Variants in VWA3B observed in about 807,000 individuals in gnomAD.
VWA3B encodes the protein von Willebrand factor A domain-containing protein 3B.
A neutral mutation model predicts 158.3 loss-of-function variants in VWA3B; 138 were observed. The observed-to-expected ratio is 0.87, with a 90% CI of 0.76 to 1.00. VWA3B has a LOEUF of 1.00. Ranked by LOEUF, VWA3B falls within the 50% of genes least tolerant of loss-of-function variation. VWA3B has a pLI of 0.00. For synonymous variants in VWA3B, 596 were observed against 587.3 expected (o/e 1.01, Z -0.21); for missense variants, 1,555 against 1,565.1 (o/e 0.99, Z 0.11).
chr2:98,179,970 A>ATCTC (rs140859768), intron 8 of VWA3B, among the ~76,000 whole-genome samples: 2,909 of 70,816 alleles, frequency 0.041, 108 homozygotes, highest in African/African-American at 0.14. Flanking sequence ...TCTTTCCTTC[A>ATCTC]TCTATCTCCT....
the VWA3B span, among the ~76,000 whole-genome samples, chr2:98,326,689 C>G: frequency 3.3e-5 from 5 of 151,924 alleles, no homozygotes; most frequent in East Asian, 9.6e-4. Flanking sequence ...CCCAGAAGGT[C>G]GAGGCTGCAG....
At chr2:98,156,437 T>G (rs1268351263) in intron 7 of VWA3B, among the ~76,000 whole-genome samples, 2 of 152,122 alleles carry the variant, frequency 1.3e-5, no homozygotes, top group African/African-American at 4.8e-5. Context: ...CACACAACCA[T>G]CCTCACAGAG....
At chr2:98,227,697 T>A (rs1037328195) in intron 14 of VWA3B, among the ~76,000 whole-genome samples, 5 of 152,136 alleles carry the variant, frequency 3.3e-5, no homozygotes, top group African/African-American at 1.2e-4. Context: ...CTGAAACTAA[T>A]GTGTAGTGAC....
intron 12 of VWA3B, chr2:98,207,204 G>T: frequency 1.8e-6 from 1 of 548,810 alleles, no homozygotes; most frequent in Non-Finnish European, 3.7e-6. Context: ...ACCAAGAGGA[G>T]ATCTATCACC....
At chr2:98,145,144 G>A (rs996198438) in intron 7 of VWA3B, among the ~76,000 whole-genome samples, 12 of 152,198 alleles carry the variant, frequency 7.9e-5, no homozygotes, top group African/African-American at 2.2e-4. Flanking sequence ...TGCTGTGGTC[G>A]ATTTTCCCTG....
chr2:98,156,318 A>G (rs796104957), intron 7 of VWA3B, among the ~76,000 whole-genome samples: 37 of 152,336 alleles, frequency 2.4e-4, no homozygotes, highest in African/African-American at 7.9e-4. Context: ...TGTCTTCTGA[A>G]TTTGAAGAAG....
At chr2:98,097,559 C>T (rs1041187669) in intron 2 of VWA3B, among the ~76,000 whole-genome samples, 3 of 152,160 alleles carry the variant, frequency 2.0e-5, no homozygotes, top group African/African-American at 7.2e-5. Context: ...GAGAAACATA[C>T]ATGTGCAGGT....
At position 98,087,201 on chromosome 2, in the gene VWA3B, A is replaced by G. The variant is rs1681922697; in HGVS notation, c.-195A>G. The G allele has an allele frequency of 6.6e-6, 1 of 152,158 alleles. No individual in the cohort carries two copies. The highest frequency in any genetic ancestry group is 2.4e-5 in the African/African-American group (1 of 41,446). 9.4% of individuals were successfully genotyped at this position (152,158 alleles called of 1,614,324 possible). A position where few individuals can be genotyped will look rare whatever the true frequency, so the allele number is the denominator to read the frequency against. On this transcript the variant is annotated 5_prime_UTR_variant, in exon 1 of 28. Transcript: ENST00000477737. Reference sequence around the variant, plus strand: ...GGTCACAGAGACCTAGAACAGCTGGAATCCTTCGCCCCCGGCGCGCAGCCT... The same window carrying G: ...GGTCACAGAGACCTAGAACAGCTGGGATCCTTCGCCCCCGGCGCGCAGCCT...
At chr2:98,315,148 C>T (rs139637530), downstream of VWA3B, among the ~76,000 whole-genome samples, 1,096 of 152,198 alleles carry the variant, frequency 7.2e-3, 10 homozygotes, top group African/African-American at 0.025. Context: ...AGAGTAATGT[C>T]GATAGTACAT....
At chr2:98,281,029 G>A (rs1688847629) in intron 22 of VWA3B, among the ~76,000 whole-genome samples, 2 of 152,176 alleles carry the variant, frequency 1.3e-5, no homozygotes, top group South Asian at 2.1e-4. Context: ...GCACTAATTC[G>A]TTTGCCATGG....
chr2:98,143,201 G>A (rs982811430), intron 7 of VWA3B, among the ~76,000 whole-genome samples: 1 of 152,046 alleles, frequency 6.6e-6, no homozygotes, highest in Non-Finnish European at 1.5e-5. Context: ...CATCACGCCA[G>A]GCTAACTTTT....
chr2:98,136,642 T>C (rs1488812180), intron 7 of VWA3B, among the ~76,000 whole-genome samples: 5 of 150,352 alleles, frequency 3.3e-5, no homozygotes, highest in Admixed American at 3.3e-4. Context: ...CCCTTCAGCC[T>C]CTTTTATAAG....
At chr2:98,112,485 A>G (rs1674217174) in intron 2 of VWA3B, among the ~76,000 whole-genome samples, 1 of 151,526 alleles carries the variant, frequency 6.6e-6, no homozygotes, top group Non-Finnish European at 1.5e-5. Context: ...TCTGATTTCC[A>G]CCTTTTCATC....
At position 98,276,988 on chromosome 2, in the gene VWA3B, G is replaced by A. The variant is rs1005939435; in HGVS notation, c.3045+6105G>A. 6.6e-5 allele frequency among the ~76,000 whole-genome samples: 10 copies of A among 152,320 alleles called. No homozygotes were observed. In the Middle Eastern group the frequency reaches 0.01, roughly 155 times the overall value. On this transcript the variant is annotated intron_variant, in intron 22 of 27. Coordinates refer to ENST00000477737, the MANE Select transcript of VWA3B (RefSeq NM_144992.5). Reference sequence around the variant, plus strand: ...GACACGGCAGCAAATGCTGTGTCCAGGGAGCCTGTGCCTGCTTTTTATGCT... The same window carrying A: ...GACACGGCAGCAAATGCTGTGTCCAAGGAGCCTGTGCCTGCTTTTTATGCT...
intron 23 of VWA3B, among the ~76,000 whole-genome samples, chr2:98,295,363 C>T (rs964335136): frequency 1.3e-5 from 2 of 152,242 alleles, no homozygotes; most frequent in Non-Finnish European, 2.9e-5. Flanking sequence ...CAGAACCACT[C>T]ATGCATCTTT....
At chr2:98,157,089 G>A (rs1573931934) in intron 7 of VWA3B, among the ~76,000 whole-genome samples, 1 of 152,136 alleles carries the variant, frequency 6.6e-6, no homozygotes, top group Non-Finnish European at 1.5e-5. Context: ...CATTACATTT[G>A]CATTTTATAG....
intron 24 of VWA3B, 54 bp downstream of exon 24, chr2:98,298,085 G>A (rs1226153771): frequency 7.2e-7 from 1 of 1,382,408 alleles, no homozygotes; most frequent in African/African-American, 1.5e-5. Flanking sequence ...ACAGAGTTTT[G>A]AATAACAGAA....
At position 98,119,591 on chromosome 2, in the gene VWA3B, G is replaced by A. The variant is rs1674798205; in HGVS notation, c.370G>A (p.Asp124Asn). 15 of 1,613,990 alleles carry A rather than the reference G, an allele frequency of 9.3e-6. No homozygotes were observed. The highest frequency in any genetic ancestry group is 1.2e-5 in the Non-Finnish European group (14 of 1,180,036). The change falls in exon 4 of 28, where the codon GAC becomes AAC. Residue 124 changes from aspartate to asparagine, a missense_variant. Physicochemically the swap from Asp to Asn is conservative, Grantham distance 23. Transcript: ENST00000477737. The stretch of plus-strand genomic sequence containing the variant: ...TGTGGAGAGCTACAAGCAGCGAATG[G>A]ACTGGCTCACCAGCAAGAGCCGGCA... ...QAVESYKQRM[D>N]WLTSKSRQIF...
intron 3 of VWA3B, among the ~76,000 whole-genome samples, chr2:98,117,208 A>G (rs1005081887): frequency 2.7e-4 from 41 of 152,210 alleles, no homozygotes; most frequent in African/African-American, 8.9e-4. Flanking sequence ...GAATTCTTGC[A>G]CTGGTTCTTT....
Sources: gnomAD v4.1 joint callset for allele counts (sites outside exome capture counted in the v4.1 genomes callset) on GRCh38, gnomAD v4.1.1 for gene constraint, MANE v1.5 for transcripts, NCBI Gene and HGNC (gene_info 2026-07-23, HGNC 2026-07-21) for gene names.